The following SGCZ variants were observed in gnomAD, a reference collection of about 807,000 sequenced individuals.
SGCZ encodes zeta-sarcoglycan.
In SGCZ, 40 loss-of-function variants were observed where a neutral mutation model predicts 41.3. The observed-to-expected ratio is 0.97, with a 90% CI of 0.75 to 1.26. The LOEUF (loss-of-function observed/expected upper bound fraction) is 1.26. Among genes scored for constraint, SGCZ ranks in the 50% most tolerant of loss-of-function variants. The pLI, the probability that SGCZ is intolerant of heterozygous loss-of-function variation, is 0.00. For synonymous variants in SGCZ, 206 were observed against 137.5 expected, an observed-to-expected ratio of 1.50 and a Z score of -3.49; for missense variants, 552 against 369.8, an observed-to-expected ratio of 1.49 and a Z score of -4.04.
At chr8:15,173,964 C>A (rs1349284327) in intron 1 of SGCZ, among the ~76,000 whole-genome samples, 3 of 152,142 alleles carry the variant, frequency 2.0e-5, no homozygotes, top group Non-Finnish European at 1.5e-5. Context: ...TCAAGCAATC[C>A]TTCCACTTCA....
At chr8:14,912,862 T>G (rs949300857) in intron 1 of SGCZ, among the ~76,000 whole-genome samples, 1 of 152,112 alleles carries the variant, frequency 6.6e-6, no homozygotes, top group African/African-American at 2.4e-5. Context: ...CAAGCATGTC[T>G]TCTTGCAACT....
At chr8:15,226,706 T>C (rs949237657) in intron 1 of SGCZ, among the ~76,000 whole-genome samples, 9 of 152,118 alleles carry the variant, frequency 5.9e-5, no homozygotes. Flanking sequence ...CCCTGAACAC[T>C]AGAGCTACAT....
At chr8:14,102,100 AT>A (rs1485640859) in intron 7 of SGCZ, among the ~76,000 whole-genome samples, 4,276 of 74,470 alleles carry the variant, frequency 0.057, 204 homozygotes, top group African/African-American at 0.2. Flanking sequence ...ATATATATAT[AT>A]ATAATTTTTT....
chr8:14,319,801 C>A (rs967454444), intron 3 of SGCZ, among the ~76,000 whole-genome samples: 28 of 152,058 alleles, frequency 1.8e-4, no homozygotes, highest in African/African-American at 6.3e-4. Context: ...AACTGGAGAG[C>A]AGCTAATCAT....
In SGCZ at chr8:14,206,670, A is replaced by G. The variant is rs565946900; in HGVS notation, c.424+30922T>C. On this transcript the variant is annotated intron_variant, in intron 4 of 7. Coordinates refer to ENST00000382080, the MANE Select transcript of SGCZ (RefSeq NM_139167.4). ...CTAGAAACAGATTTATTCTGTTTAT[A>G]TAACAAGCAGTTACCTCTGGCCTGC... Among the ~76,000 whole-genome samples the G allele has an allele frequency of 9.2e-5, 14 of 152,318 alleles. No individual in the cohort carries two copies. The South Asian group carries it at 2.7e-3, about 29-fold the overall frequency.
rs879367905 is a variant in SGCZ, at chr8:14,719,641, ATAAATGTC to A, written c.40-164723_40-164716del. On this transcript the variant is annotated intron_variant, in intron 1 of 7. Transcript: ENST00000382080. ...ATTTTTTCATGTGTTTTTTGACTGCATAAATGTCTTCTTTTGAGAAGTGTCTGTTCATG... is the reference window on the plus strand; with the variant it reads ...ATTTTTTCATGTGTTTTTTGACTGCATTCTTTTGAGAAGTGTCTGTTCATG... Among the ~76,000 whole-genome samples, 426 of 152,132 alleles carry A rather than the reference ATAAATGTC, an allele frequency of 2.8e-3. 4 individuals are homozygous for A. Among genetic ancestry groups the A allele is most frequent in the African/African-American group, 1.0e-2 (415 of 41,530 alleles).
At chr8:14,124,167 T>A (rs1018507427) in intron 5 of SGCZ, among the ~76,000 whole-genome samples, 1 of 152,214 alleles carries the variant, frequency 6.6e-6, no homozygotes, top group Non-Finnish European at 1.5e-5. Context: ...AGCTGCTAAA[T>A]TTTTAGTAAT....
At chr8:14,484,637 CA>C (rs1451171140) in intron 2 of SGCZ, among the ~76,000 whole-genome samples, 2 of 152,000 alleles carry the variant, frequency 1.3e-5, no homozygotes, top group African/African-American at 4.8e-5. Context: ...AAGAAATATA[CA>C]TTTTTTAGGT....
intron 2 of SGCZ, among the ~76,000 whole-genome samples, chr8:14,329,448 A>T (rs1802237494): frequency 6.6e-6 from 1 of 152,222 alleles, no homozygotes; most frequent in Non-Finnish European, 1.5e-5. Flanking sequence ...CAACACATTT[A>T]AAAAATATCA....
At chr8:14,126,574 T>C (rs1372002873) in intron 5 of SGCZ, among the ~76,000 whole-genome samples, 1 of 152,222 alleles carries the variant, frequency 6.6e-6, no homozygotes, top group Non-Finnish European at 1.5e-5. Context: ...GCAGACAGTG[T>C]AGCATTTCCT....
chr8:14,348,140 A>G (rs945533910), intron 2 of SGCZ, among the ~76,000 whole-genome samples: 1 of 152,170 alleles, frequency 6.6e-6, no homozygotes, highest in East Asian at 1.9e-4. Context: ...TGTAACCAAT[A>G]TGGTATCAAT....
intron 1 of SGCZ, among the ~76,000 whole-genome samples, chr8:15,204,275 G>C (rs1800990653): frequency 6.6e-6 from 1 of 152,048 alleles, no homozygotes; most frequent in Non-Finnish European, 1.5e-5. Flanking sequence ...AAAAGCCAAA[G>C]TCAAATAACA....
Position 14,336,423 on chromosome 8 carries a change from T to C in SGCZ, c.235-12219A>G, listed in dbSNP as rs140870549. Among the ~76,000 whole-genome samples, 115 of 152,264 alleles carry C rather than the reference T, an allele frequency of 7.6e-4. No individual in the cohort carries two copies. The East Asian group carries it at 0.021, about 27-fold the overall frequency. On this transcript the variant is annotated intron_variant, in intron 2 of 7. Coordinates refer to ENST00000382080, the MANE Select transcript of SGCZ (RefSeq NM_139167.4). The stretch of plus-strand genomic sequence containing the variant: ...CATACATGTGCATGTGTCTTTATGA[T>C]AGAATGATTATATTCCTTTGGGTAT...
At chr8:14,210,113 A>G (rs1156459489) in intron 4 of SGCZ, among the ~76,000 whole-genome samples, 1 of 152,148 alleles carries the variant, frequency 6.6e-6, no homozygotes, top group East Asian at 1.9e-4. Context: ...ACTGGAACGC[A>G]GTTGTGTGAT....
intron 1 of SGCZ, among the ~76,000 whole-genome samples, chr8:14,625,356 C>T (rs371887326): frequency 6.6e-5 from 10 of 152,248 alleles, no homozygotes; most frequent in African/African-American, 2.2e-4. Flanking sequence ...GTTCAAACGA[C>T]AGTCCTTTTA....
chr8:14,324,584 T>A (rs1335005000), intron 2 of SGCZ, among the ~76,000 whole-genome samples: 2 of 152,154 alleles, frequency 1.3e-5, no homozygotes, highest in Non-Finnish European at 2.9e-5. Context: ...TATTTTTACA[T>A]TACAGTTATA....
Position 15,069,179 on chromosome 8 carries a change from T to G in SGCZ, c.39+168406A>C, listed in dbSNP as rs143333020. Among the ~76,000 whole-genome samples the G allele has an allele frequency of 4.8e-3, 735 of 152,274 alleles. 6 individuals are homozygous for G. Among genetic ancestry groups the G allele is most frequent in the African/African-American group, 0.017 (712 of 41,544 alleles). The stretch of plus-strand genomic sequence containing the variant: ...ATTTATGACAATACAGAGGTTTTTT[T>G]GGGGTTTTGTTGTTTCTTGTTTGTT... On this transcript the variant is annotated intron_variant, in intron 1 of 7. Transcript: ENST00000382080.
chr8:14,788,874 G>C (rs958095245), intron 1 of SGCZ, among the ~76,000 whole-genome samples: 1 of 152,076 alleles, frequency 6.6e-6, no homozygotes, highest in Non-Finnish European at 1.5e-5. Flanking sequence ...GCTTTGGGTA[G>C]CCAAGGTAGG....
At chr8:14,268,721 G>A (rs1019089566) in intron 3 of SGCZ, among the ~76,000 whole-genome samples, 1 of 151,626 alleles carries the variant, frequency 6.6e-6, no homozygotes, top group Non-Finnish European at 1.5e-5. Context: ...TAAAAACAAA[G>A]ATTATTAAAT....
Sources: allele counts gnomAD v4.1 joint callset (sites outside exome capture counted in the v4.1 genomes callset), GRCh38; gene constraint gnomAD v4.1.1; transcripts MANE v1.5; gene names NCBI Gene and HGNC (gene_info 2026-07-23, HGNC 2026-07-21).